The following UNC80 variants were observed in gnomAD, a reference collection of about 807,000 sequenced individuals.
The protein encoded by UNC80 is unc-80 subunit of NALCN channel complex.
In UNC80, 164 loss-of-function variants were observed where a neutral mutation model predicts 384.6. That is an observed-to-expected ratio of 0.43 (90% confidence interval 0.38 to 0.49). The LOEUF (loss-of-function observed/expected upper bound fraction) is 0.49. Ranked by LOEUF, UNC80 falls within the 20% of genes least tolerant of loss-of-function variation. The pLI is 0.00. For synonymous variants in UNC80, 1,486 were observed against 1,527.8 expected (o/e 0.97, Z 0.64); for missense variants, 3,330 against 4,143.0 (o/e 0.80, Z 5.39).
chr2:209,834,204 C>T, intron 17 of UNC80, 36 bp downstream of exon 17: 1 of 1,545,040 alleles, frequency 6.5e-7, no homozygotes, highest in South Asian at 1.2e-5. Flanking sequence ...TTACTGTTTG[C>T]CTTAAGTCAG....
rs140148679 is a variant in UNC80, at chr2:209,858,020, T to C, written c.3627+8397T>C. 1.1e-3 allele frequency among the ~76,000 whole-genome samples: 174 copies of C among 152,316 alleles called. 1 individual carries two copies. The Middle Eastern group carries it at 0.017, about 15-fold the overall frequency. On this transcript the variant is annotated intron_variant, in intron 22 of 64. Coordinates refer to ENST00000673920, the MANE Select transcript of UNC80 (RefSeq NM_001371986.1). ...TGTAGAACACAGTGATTGATATACGTACGATCAAACTCATTAATTGGGTTA... is the reference window on the plus strand; with the variant it reads ...TGTAGAACACAGTGATTGATATACGCACGATCAAACTCATTAATTGGGTTA...
intron 15 of UNC80, 55 bp downstream of exon 15, chr2:209,829,434 A>C: frequency 6.5e-7 from 1 of 1,536,840 alleles, no homozygotes; most frequent in Non-Finnish European, 8.8e-7. Context: ...TGAATCAGGT[A>C]GTGTTTCAAG....
chr2:209,975,146 C>T (rs1418779462), intron 56 of UNC80, among the ~76,000 whole-genome samples: 1 of 152,170 alleles, frequency 6.6e-6, no homozygotes, highest in Non-Finnish European at 1.5e-5. Flanking sequence ...CATTTAGTCA[C>T]TCAATGCACT....
chr2:209,838,274 C>A (rs2081483944), intron 18 of UNC80, among the ~76,000 whole-genome samples: 1 of 147,862 alleles, frequency 6.8e-6, no homozygotes. Flanking sequence ...CACCCCGCAC[C>A]CCTCATGAAC....
intron 51 of UNC80, 98 bp downstream of exon 51, chr2:209,959,805 A>G (rs2092534004): frequency 1.8e-6 from 2 of 1,105,212 alleles, no homozygotes; most frequent in East Asian, 2.6e-5. Context: ...TCCAGGAAAA[A>G]CTCTTAATAT....
rs375351363 is a variant in UNC80, at chr2:209,964,508, G to T, written c.7806-2929G>T. 5.9e-5 allele frequency among the ~76,000 whole-genome samples: 9 copies of T among 152,224 alleles called. No individual in the cohort carries two copies. The East Asian group carries it at 1.2e-3, about 20-fold the overall frequency. ...TTTCTTTAATAAATAACAAGATAAG[G>T]CCGGGCGCGGTTGTTCACGCCTGTA... On this transcript the variant is annotated intron_variant, in intron 51 of 64. Transcript: ENST00000673920.
chr2:209,812,409 G>A (rs2079430583), intron 7 of UNC80, among the ~76,000 whole-genome samples: 1 of 151,760 alleles, frequency 6.6e-6, no homozygotes, highest in Non-Finnish European at 1.5e-5. Context: ...TGTGTCCTAT[G>A]GAATTATTTT....
chr2:209,946,599 C>T (rs1292163595), intron 47 of UNC80, among the ~76,000 whole-genome samples: 1 of 152,098 alleles, frequency 6.6e-6, no homozygotes, highest in Admixed American at 6.6e-5. Flanking sequence ...TTTAAGAAAA[C>T]TCCTTTCAAG....
At chr2:209,902,903 ACG>A (rs1491092223) in intron 28 of UNC80, among the ~76,000 whole-genome samples, 1 of 123,486 alleles carries the variant, frequency 8.1e-6, no homozygotes, top group Non-Finnish European at 1.6e-5. Context: ...GCCTGTATAC[ACG>A]TGTGTGTGTG....
Position 209,815,250 on chromosome 2 carries a change from T to C in UNC80, c.1201-7T>C, listed in dbSNP as rs1428805791. The C allele has an allele frequency of 1.3e-6, 2 of 1,551,094 alleles. No individual in the cohort carries two copies. The highest frequency in any genetic ancestry group is 2.7e-5 in the African/African-American group (2 of 73,026). On this transcript the variant is annotated splice_region_variant and splice_polypyrimidine_tract_variant and intron_variant, in intron 8 of 64. Coordinates refer to ENST00000673920, the MANE Select transcript of UNC80 (RefSeq NM_001371986.1). ...TAAGTCCTTGATCACTGTCTACCTTTATTAAGGATCTCACCATGAAGTGTA... is the reference window on the plus strand; with the variant it reads ...TAAGTCCTTGATCACTGTCTACCTTCATTAAGGATCTCACCATGAAGTGTA...
chr2:209,782,266 A>G (rs987641147), intron 4 of UNC80, among the ~76,000 whole-genome samples: 2 of 152,226 alleles, frequency 1.3e-5, no homozygotes, highest in Admixed American at 6.5e-5. Context: ...TGGGCCCTCT[A>G]TGACCTGTCT....
chr2:209,970,601 A>G (rs1457631850), intron 53 of UNC80, among the ~76,000 whole-genome samples: 1 of 152,230 alleles, frequency 6.6e-6, no homozygotes, highest in Non-Finnish European at 1.5e-5. Context: ...CATTATTTAC[A>G]TAGTTAACTA....
chr2:209,817,236 T>C (rs2079806161), intron 10 of UNC80, 111 bp downstream of exon 10: 15 of 1,053,800 alleles, frequency 1.4e-5, no homozygotes, highest in Non-Finnish European at 2.0e-5. Flanking sequence ...GCCAAGAAAT[T>C]TGGGGCTCAA....
chr2:209,812,126 T>C (rs2079397306), intron 7 of UNC80, among the ~76,000 whole-genome samples: 1 of 152,092 alleles, frequency 6.6e-6, no homozygotes, highest in Admixed American at 6.5e-5. Flanking sequence ...CTCGGCTCAC[T>C]GCAAGCTCCG....
intron 28 of UNC80, among the ~76,000 whole-genome samples, chr2:209,904,455 A>G (rs2087929683): frequency 6.6e-6 from 1 of 152,208 alleles, no homozygotes; most frequent in African/African-American, 2.4e-5. Flanking sequence ...ATTTAGTTTT[A>G]AGTTCAGAAT....
intron 21 of UNC80, among the ~76,000 whole-genome samples, chr2:209,848,113 T>C (rs956800683): frequency 6.6e-6 from 1 of 152,072 alleles, no homozygotes; most frequent in African/African-American, 2.4e-5. Flanking sequence ...CTAGTAGCTT[T>C]GGTAATGTCC....
intron 15 of UNC80, among the ~76,000 whole-genome samples, chr2:209,831,005 A>C (rs1039588958): frequency 6.6e-6 from 1 of 152,146 alleles, no homozygotes; most frequent in Non-Finnish European, 1.5e-5. Context: ...CACTTTAGAC[A>C]GACTGAACAA....
In UNC80 at chr2:209,887,730, C is replaced by T. The variant is rs568159604; in HGVS notation, c.4111-365C>T. 9.2e-5 allele frequency among the ~76,000 whole-genome samples: 14 copies of T among 152,224 alleles called. No homozygotes were observed. The South Asian group carries it at 2.9e-3, about 32-fold the overall frequency. On this transcript the variant is annotated intron_variant, in intron 25 of 64. Transcript: ENST00000673920. Reference sequence around the variant, plus strand: ...AAAGTTCCTTATTTATCCTTCAGTACCTAACACATCCATGCTTGATGCATG... The same window carrying T: ...AAAGTTCCTTATTTATCCTTCAGTATCTAACACATCCATGCTTGATGCATG...
intron 55 of UNC80, 135 bp downstream of exon 55, chr2:209,972,459 A>G (rs2125013339): frequency 2.4e-6 from 3 of 1,243,970 alleles, no homozygotes. Flanking sequence ...GGGTCATCTT[A>G]GGAAATAAGA....
Sources: gnomAD v4.1 joint callset for allele counts (sites outside exome capture counted in the v4.1 genomes callset) on GRCh38, gnomAD v4.1.1 for gene constraint, MANE v1.5 for transcripts, NCBI Gene and HGNC (gene_info 2026-07-23, HGNC 2026-07-21) for gene names.